COPG1: variants seen among roughly 807,000 people sequenced by gnomAD.
COPG1 encodes coatomer subunit gamma-1.
In COPG1, 29 loss-of-function variants were observed where a neutral mutation model predicts 102.8. The ratio of observed to expected loss-of-function variants is 0.28; its 90% CI spans 0.21 to 0.38. The LOEUF is 0.38. Ranked by LOEUF, COPG1 falls within the 10% of genes least tolerant of loss-of-function variation. COPG1 has a pLI of 1.00. For synonymous variants in COPG1, 406 were observed against 421.6 expected, an observed-to-expected ratio of 0.96 and a Z score of 0.45; for missense variants, 875 against 1,132.7, an observed-to-expected ratio of 0.77 and a Z score of 3.27.
intron 23 of COPG1, 76 bp from the exon 24 acceptor site, chr3:129,277,218 C>G: frequency 6.6e-7 from 1 of 1,516,536 alleles, no homozygotes; most frequent in Non-Finnish European, 9.1e-7. Context: ...TCATGGGTTG[C>G]TGCAAATGCC....
Position 129,257,566 on chromosome 3 carries a change from C to G in COPG1, c.676C>G (p.Pro226Ala). 1 of 1,614,210 alleles carries G rather than the reference C, an allele frequency of 6.2e-7. No homozygotes were observed. Among genetic ancestry groups the G allele is most frequent in the Non-Finnish European group, 8.5e-7 (1 of 1,180,052 alleles). The change falls in exon 9 of 24, where the codon CCC (proline) becomes GCC (alanine). Residue 226 changes from proline to alanine, a missense_variant. By Grantham distance (27) the Pro-to-Ala change is conservative. Coordinates refer to ENST00000314797, the MANE Select transcript of COPG1 (RefSeq NM_016128.4). ...GGTCACACGGCATGGCCTTAAGTCT[C>G]CCTTTGCCTACTGCATGATGATCCG... ...SKVTRHGLKS[P>A]FAYCMMIRVA...
chr3:129,260,582 G>C (rs757750673), intron 11 of COPG1, 37 bp from the exon 12 acceptor site: 1 of 1,605,486 alleles, frequency 6.2e-7, no homozygotes. Flanking sequence ...GACAGCATTG[G>C]GTTCCTGCCC....
chr3:129,269,353 G>A (rs1330101046), intron 18 of COPG1, among the ~76,000 whole-genome samples: 2 of 152,058 alleles, frequency 1.3e-5, no homozygotes, highest in Admixed American at 6.6e-5. Context: ...ACTTTTTGTC[G>A]GGTTCCACGT....
intron 8 of COPG1, among the ~76,000 whole-genome samples, chr3:129,257,135 C>T (rs980236258): frequency 6.6e-6 from 1 of 152,210 alleles, no homozygotes; most frequent in Non-Finnish European, 1.5e-5. Context: ...TTCTCTCTCT[C>T]ATTGTCTGAT....
chr3:129,253,655 G>T (rs1454016493), intron 5 of COPG1, among the ~76,000 whole-genome samples: 1 of 152,138 alleles, frequency 6.6e-6, no homozygotes, highest in Non-Finnish European at 1.5e-5. Context: ...CCTCCCAGAG[G>T]AATGATCTAA....
chr3:129,274,826 C>G lies in COPG1; in HGVS notation c.2257-12C>G. 6.2e-7 allele frequency: 1 copy of G among 1,609,402 alleles called. No homozygotes were observed. The highest frequency in any genetic ancestry group is 1.1e-5 in the South Asian group (1 of 90,336). Reference sequence around the variant, plus strand: ...GTAGATGGGTGCCTGATTTCTACCTCCATCTCTCCAGCTGGAAGATCTGGA... The same window carrying G: ...GTAGATGGGTGCCTGATTTCTACCTGCATCTCTCCAGCTGGAAGATCTGGA... On this transcript the variant is annotated splice_polypyrimidine_tract_variant and intron_variant, in intron 21 of 23. Transcript: ENST00000314797.
intron 16 of COPG1, 73 bp from the exon 17 acceptor site, chr3:129,268,422 A>C: frequency 6.5e-7 from 1 of 1,546,424 alleles, no homozygotes. Context: ...TCGGGACCCC[A>C]GGGCCTCCAT....
intron 21 of COPG1, chr3:129,274,245 T>C (rs1453204472): frequency 2.7e-6 from 1 of 372,598 alleles, no homozygotes; most frequent in Non-Finnish European, 5.3e-6. Flanking sequence ...ACTGTAAACA[T>C]CCACAGGAGT....
At chr3:129,276,470 A>G (rs1940271207) in intron 23 of COPG1, among the ~76,000 whole-genome samples, 1 of 152,238 alleles carries the variant, frequency 6.6e-6, no homozygotes. Context: ...TATCATACCT[A>G]AAACAGTTAA....
At chr3:129,272,973 C>G in intron 21 of COPG1, 69 bp downstream of exon 21, 2 of 793,458 alleles carry the variant, frequency 2.5e-6, no homozygotes, top group South Asian at 1.7e-5. Flanking sequence ...CAGGAACTGA[C>G]AGTGAGACTG....
chr3:129,250,891 G>T, intron 2 of COPG1, 157 bp downstream of exon 2: 2 of 439,930 alleles, frequency 4.5e-6, no homozygotes, highest in Non-Finnish European at 8.9e-6. Context: ...TGTTTCTGGA[G>T]AGAGTTAGTT....
chr3:129,257,430 G>A (rs762648689), intron 8 of COPG1, 40 bp from the exon 9 acceptor site: 22 of 1,608,786 alleles, frequency 1.4e-5, no homozygotes, highest in African/African-American at 9.4e-5. Flanking sequence ...ATACCCAAAA[G>A]TCATACATTT....
At chr3:129,260,935 C>T (rs563162285) in intron 12 of COPG1, 128 bp downstream of exon 12, 1 of 911,576 alleles carries the variant, frequency 1.1e-6, no homozygotes, top group Admixed American at 2.5e-5. Context: ...CAGAGGAGGC[C>T]AGCAGTTTGC....
At chr3:129,254,521 T>G in intron 5 of COPG1, 147 bp from the exon 6 acceptor site, 1 of 584,952 alleles carries the variant, frequency 1.7e-6, no homozygotes, top group Non-Finnish European at 3.0e-6. Flanking sequence ...AGCAGCTGTG[T>G]GGAGTTAGGC....
intron 21 of COPG1, 92 bp from the exon 22 acceptor site, chr3:129,274,746 A>ATC: frequency 7.0e-7 from 1 of 1,428,072 alleles, no homozygotes; most frequent in Non-Finnish European, 9.7e-7. Context: ...GCACCTGTGG[A>ATC]AAGAGTTGCA....
chr3:129,271,808 C>A lies in COPG1; in HGVS notation c.1885C>A (p.Leu629Ile), dbSNP rs1054228191. The part of the protein sequence containing the change: ...AVPEFRGLGP[L>I]FKSSPEPVAL... ...GCCAGAGTTCCGCGGTCTTGGGCCC[C>A]TCTTCAAGTCCTCGCCTGAGCCCGT... Residue 629 changes from leucine to isoleucine, a missense_variant, in exon 19 of 24, where the codon CTC becomes ATC. Leu to Ile is a conservative substitution (Grantham distance 5, BLOSUM62 2). Coordinates refer to ENST00000314797, the MANE Select transcript of COPG1 (RefSeq NM_016128.4). This position sits in a 1 kb window ranked among gnomAD's most constrained non-coding sequence, Gnocchi z 4.7. 11 of 1,614,234 alleles carry A rather than the reference C, an allele frequency of 6.8e-6. No individual in the cohort carries two copies. Among genetic ancestry groups the A allele is most frequent in the Non-Finnish European group, 9.3e-6 (11 of 1,180,040 alleles).
chr3:129,256,708 C>CT (rs1366102036), intron 8 of COPG1, among the ~76,000 whole-genome samples: 4 of 152,198 alleles, frequency 2.6e-5, no homozygotes, highest in African/African-American at 4.8e-5. Context: ...TCGGCGCTCC[C>CT]TGTGTGTTTA....
rs1318936857 is a variant in COPG1 at position 129,272,393 on chromosome 3, G to A, written c.2136G>A (p.Leu712=). ...QPGTCYTLVA[L]PKEDPTAVAC... is the part of the protein sequence containing the mutation. ...GGACCTGCTACACACTGGTGGCACT[G>A]CCCAAAGAAGACCCCACAGCTGGTG... The change falls in exon 20 of 24, where the codon CTG becomes CTA. Residue 712 remains leucine (L), a synonymous_variant. Coordinates refer to ENST00000314797, the MANE Select transcript of COPG1 (RefSeq NM_016128.4). 5 of 1,613,746 alleles carry A rather than the reference G, an allele frequency of 3.1e-6. No individual in the cohort carries two copies. The highest frequency in any genetic ancestry group is 4.2e-6 in the Non-Finnish European group (5 of 1,179,832).
chr3:129,267,959 G>A lies in COPG1; in HGVS notation c.1567G>A (p.Glu523Lys). Residue 523 changes from glutamate (E) to lysine (K), a missense_variant, in exon 16 of 24, where the codon GAA (glutamate) becomes AAA (lysine). By Grantham distance (56) the Glu-to-Lys change is moderately conservative. Transcript: ENST00000314797. ...CAGGTGTGTGATGGATGATGACAAT[G>A]AAGTAAGGGACCGAGCCACCTTCTA... ...LKRCVMDDDN[E>K]VRDRATFYLN... The A allele has an allele frequency of 6.2e-7, 1 of 1,614,082 alleles. No homozygotes were observed. Among genetic ancestry groups the A allele is most frequent in the South Asian group, 1.1e-5 (1 of 91,078 alleles).
Sources: allele counts gnomAD v4.1 joint callset (sites outside exome capture counted in the v4.1 genomes callset), GRCh38; gene constraint gnomAD v4.1.1; non-coding constraint Gnocchi (gnomAD v3.1); transcripts MANE v1.5; gene names NCBI Gene and HGNC (gene_info 2026-07-23, HGNC 2026-07-21).